Variants in B4GAT1 observed in about 807,000 individuals in gnomAD.
B4GAT1 encodes the protein beta-1,4-glucuronyltransferase 1.
B4GAT1 carries 18 observed loss-of-function variants against 35.0 expected under a neutral mutation model. That is an observed-to-expected ratio of 0.51 (90% CI 0.36 to 0.76). B4GAT1 has a LOEUF of 0.76. Among genes scored for constraint, B4GAT1 ranks in the 30% least tolerant of loss-of-function variants. The pLI, the probability that B4GAT1 is intolerant of heterozygous loss-of-function variation, is 0.01. For missense variants in B4GAT1, 458 were observed against 555.0 expected, an observed-to-expected ratio of 0.83 and a Z score of 1.76; for synonymous variants, 217 against 251.6, an observed-to-expected ratio of 0.86 and a Z score of 1.30.
rs1481200252 is a variant in B4GAT1, at chr11:66,346,016, A to G, written c.*33T>C. 6.3e-7 allele frequency: 1 copy of G among 1,590,268 alleles called. No homozygotes were observed. The highest frequency in any genetic ancestry group is 8.6e-7 in the Non-Finnish European group (1 of 1,162,250). On this transcript the variant is annotated 3_prime_UTR_variant, in exon 2 of 2. Coordinates refer to ENST00000311181, the MANE Select transcript of B4GAT1 (RefSeq NM_006876.3). The surrounding 1 kb of genome is among the most constrained non-coding windows in gnomAD (Gnocchi z 6.1). ...CTAAATGGTGGCCTGAGGAGCCAAG[A>G]GGCTGACTTCTCAGATTAGGGGAGG...
chr11:66,347,524 G>C lies in B4GAT1; in HGVS notation c.22C>G (p.Arg8Gly). 2 of 1,499,582 alleles carry C rather than the reference G, an allele frequency of 1.3e-6. No homozygotes were observed. Among genetic ancestry groups the C allele is most frequent in the Non-Finnish European group, 1.8e-6 (2 of 1,126,748 alleles). The allele number at this position is 1,499,582 out of a possible 1,614,324, so 92.9% of individuals were successfully genotyped here. MQMSYAI[R>G]CAFYQLLLAA... ...AGCAGCAGCTGGTAGAAGGCGCACC[G>C]GATGGCGTAGGACATCTGCATGGCT... The change falls in exon 1 of 2, where the codon CGG (arginine) becomes GGG (glycine). Residue 8 changes from arginine (R) to glycine (G), a missense_variant. By Grantham distance (125) the Arg-to-Gly change is moderately radical. Transcript: ENST00000311181. This position sits in a 1 kb window ranked among gnomAD's most constrained non-coding sequence, Gnocchi z 6.3.
chr11:66,346,793 T>C lies in B4GAT1; in HGVS notation c.753A>G (p.Gly251=). The C allele has an allele frequency of 1.9e-6, 3 of 1,612,058 alleles. No homozygotes were observed. Among genetic ancestry groups the C allele is most frequent in the Non-Finnish European group, 2.5e-6 (3 of 1,179,318 alleles). ...AGGCAGGCACCACCAGCGCGGTGCC[T>C]CCCCACTGGTTGCTCTGATCCAGCA... ...REMLDQSNQW[G]GTALVVPAFE... The change falls in exon 1 of 2, where the codon GGA becomes GGG. Residue 251 remains glycine (G), a synonymous_variant. Coordinates refer to ENST00000311181, the MANE Select transcript of B4GAT1 (RefSeq NM_006876.3). This position sits in a 1 kb window ranked among gnomAD's most constrained non-coding sequence, Gnocchi z 6.1.
At position 66,346,151 on chromosome 11, in the gene B4GAT1, G is replaced by C. The variant is rs143223962; in HGVS notation, c.1146C>G (p.Phe382Leu). ...VHKGFKEALK[F>L]HPQKEAENQH... The stretch of plus-strand genomic sequence containing the variant: ...GATTTTCAGCCTCCTTTTGGGGATG[G>C]AACTTCAACGCTTCTTTGAAGCCCT... Residue 382 changes from phenylalanine (F) to leucine (L), a missense_variant, in exon 2 of 2, where the codon TTC (phenylalanine) becomes TTG (leucine). Coordinates refer to ENST00000311181, the MANE Select transcript of B4GAT1 (RefSeq NM_006876.3). The surrounding 1 kb of genome is among the most constrained non-coding windows in gnomAD (Gnocchi z 6.1). The C allele has an allele frequency of 3.1e-4, 508 of 1,614,024 alleles. 3 individuals are homozygous for C. The highest frequency in any genetic ancestry group is 3.3e-4 in the Middle Eastern group (2 of 6,084).
Position 66,345,403 on chromosome 11 carries a change from TG to T in B4GAT1, c.*645del, listed in dbSNP as rs1295659626. ...TGTGAACACGCATTTATTTACACAT[TG>T]TCATCGGTAGGCACATACCCAGCCC... On this transcript the variant is annotated 3_prime_UTR_variant, in exon 2 of 2. Coordinates refer to ENST00000311181, the MANE Select transcript of B4GAT1 (RefSeq NM_006876.3). The T allele has an allele frequency of 1.3e-5, 2 of 152,178 alleles. No individual in the cohort carries two copies. The highest frequency in any genetic ancestry group is 2.9e-5 in the Non-Finnish European group (2 of 68,050). 9.4% of individuals were successfully genotyped at this position (152,178 alleles called of 1,614,324 possible). A position where few individuals can be genotyped will look rare whatever the true frequency, so the allele number is the denominator to read the frequency against.
At position 66,346,887 on chromosome 11, in the gene B4GAT1, G is replaced by A. The variant is rs1855225498; in HGVS notation, c.659C>T (p.Ala220Val). The A allele has an allele frequency of 6.2e-7, 1 of 1,613,766 alleles. No homozygotes were observed. The highest frequency in any genetic ancestry group is 1.3e-5 in the African/African-American group (1 of 74,902). Residue 220 changes from alanine (A) to valine (V), a missense_variant, in exon 1 of 2, where the codon GCC (alanine) becomes GTC (valine). Transcript: ENST00000311181. The surrounding 1 kb of genome is among the most constrained non-coding windows in gnomAD (Gnocchi z 6.1). The part of the protein sequence containing the change: ...NLLRNLAREG[A>V]NYALVIDVDM... ...CACATCGATCACCAGGGCATAGTTGGCCCCCTCACGAGCCAGATTCCTCAG... is the reference window on the plus strand; with the variant it reads ...CACATCGATCACCAGGGCATAGTTGACCCCCTCACGAGCCAGATTCCTCAG...
At position 66,346,272 on chromosome 11, in the gene B4GAT1, G is replaced by A; in HGVS notation, c.1057-32C>T. 1 of 1,605,630 alleles carries A rather than the reference G, an allele frequency of 6.2e-7. No homozygotes were observed. The highest frequency in any genetic ancestry group is 8.5e-7 in the Non-Finnish European group (1 of 1,173,704). On this transcript the variant is annotated intron_variant, in intron 1 of 1. Coordinates refer to ENST00000311181, the MANE Select transcript of B4GAT1 (RefSeq NM_006876.3). The surrounding 1 kb of genome is among the most constrained non-coding windows in gnomAD (Gnocchi z 6.1). The stretch of plus-strand genomic sequence containing the variant: ...GAGGAAAGACAGGTTAGCAAAGTTT[G>A]ATGACATTGACAGGCCTGAGACTGA...
rs1855230267 is a variant in B4GAT1 at position 66,347,051 on chromosome 11, T to C, written c.495A>G (p.Ala165=). 1.3e-6 allele frequency: 2 copies of C among 1,587,994 alleles called. No homozygotes were observed. Among genetic ancestry groups the C allele is most frequent in the East Asian group, 4.5e-5 (2 of 44,686 alleles). Residue 165 remains alanine, a synonymous_variant, in exon 1 of 2, where the codon GCA becomes GCG. Coordinates refer to ENST00000311181, the MANE Select transcript of B4GAT1 (RefSeq NM_006876.3). The surrounding 1 kb of genome is among the most constrained non-coding windows in gnomAD (Gnocchi z 6.3). The part of the protein sequence containing the change: ...MHLVCPSRYE[A]AVPDPREPGE... The stretch of plus-strand genomic sequence containing the variant: ...CCGGCTCCCGGGGGTCGGGCACGGC[T>C]GCCTCGTAACGCGAGGGGCACACGA...
At position 66,346,254 on chromosome 11, in the gene B4GAT1, G is replaced by C; in HGVS notation, c.1057-14C>G. 1.2e-6 allele frequency: 2 copies of C among 1,610,536 alleles called. No individual in the cohort carries two copies. Among genetic ancestry groups the C allele is most frequent in the Non-Finnish European group, 1.7e-6 (2 of 1,177,208 alleles). On this transcript the variant is annotated splice_polypyrimidine_tract_variant and intron_variant, in intron 1 of 1. Coordinates refer to ENST00000311181, the MANE Select transcript of B4GAT1 (RefSeq NM_006876.3). The surrounding 1 kb of genome is among the most constrained non-coding windows in gnomAD (Gnocchi z 6.1). The stretch of plus-strand genomic sequence containing the variant: ...CAGCTCGCAGGCCTGCAGGAGGAAA[G>C]ACAGGTTAGCAAAGTTTGATGACAT...
In B4GAT1 at chr11:66,346,139, C is replaced by T; in HGVS notation, c.1158G>A (p.Lys386=). The T allele has an allele frequency of 6.2e-7, 1 of 1,614,148 alleles. No homozygotes were observed. The highest frequency in any genetic ancestry group is 8.5e-7 in the Non-Finnish European group (1 of 1,180,030). ...FKEALKFHPQ[K]EAENQHNKIL... is the part of the protein sequence containing the mutation. ...TCTTATTGTGCTGATTTTCAGCCTC[C>T]TTTTGGGGATGGAACTTCAACGCTT... Residue 386 remains lysine (K), a synonymous_variant, in exon 2 of 2, where the codon AAG becomes AAA. Transcript: ENST00000311181. The surrounding 1 kb of genome is among the most constrained non-coding windows in gnomAD (Gnocchi z 6.1).
In B4GAT1 at chr11:66,347,394, G is replaced by A. The variant is rs531686913; in HGVS notation, c.152C>T (p.Pro51Leu). ...GACCTGGTCCACGGACCGTGGGGAC[G>A]GGGGAAAGAACTCAAAATATTGGTC... is the stretch of plus-strand genomic sequence containing the variant. ...EQDQYFEFFP[P>L]SPRSVDQVKA... Residue 51 changes from proline to leucine, a missense_variant, in exon 1 of 2, where the codon CCG becomes CTG. Pro to Leu is a moderately conservative substitution (Grantham distance 98). Coordinates refer to ENST00000311181, the MANE Select transcript of B4GAT1 (RefSeq NM_006876.3). The surrounding 1 kb of genome is among the most constrained non-coding windows in gnomAD (Gnocchi z 6.3). 1.4e-4 allele frequency: 216 copies of A among 1,585,632 alleles called. No individual in the cohort carries two copies. The East Asian group carries it at 3.2e-3, about 23-fold the overall frequency.
chr11:66,346,146 G>C lies in B4GAT1; in HGVS notation c.1151C>G (p.Pro384Arg), dbSNP rs1443678248. 1 of 1,614,074 alleles carries C rather than the reference G, an allele frequency of 6.2e-7. No homozygotes were observed. The highest frequency in any genetic ancestry group is 8.5e-7 in the Non-Finnish European group (1 of 1,180,028). The change falls in exon 2 of 2, where the codon CCC becomes CGC. Residue 384 changes from proline to arginine, a missense_variant. By Grantham distance (103) the Pro-to-Arg change is moderately radical. Coordinates refer to ENST00000311181, the MANE Select transcript of B4GAT1 (RefSeq NM_006876.3). The surrounding 1 kb of genome is among the most constrained non-coding windows in gnomAD (Gnocchi z 6.1). The stretch of plus-strand genomic sequence containing the variant: ...GTGCTGATTTTCAGCCTCCTTTTGG[G>C]GATGGAACTTCAACGCTTCTTTGAA... ...KGFKEALKFH[P>R]QKEAENQHNK...
rs1319732212 is a variant in B4GAT1 at position 66,346,766 on chromosome 11, G to A, written c.780C>T (p.Phe260=). The change falls in exon 1 of 2, where the codon TTC becomes TTT. Residue 260 remains phenylalanine (F), a synonymous_variant. Transcript: ENST00000311181. This position sits in a 1 kb window ranked among gnomAD's most constrained non-coding sequence, Gnocchi z 6.1. ...GCATGCGGCGGGCTCTTCGGATTTC[G>A]AAGGCAGGCACCACCAGCGCGGTGC... ...WGGTALVVPA[F]EIRRARRMPM... 5 of 1,613,622 alleles carry A rather than the reference G, an allele frequency of 3.1e-6. No individual in the cohort carries two copies. The Admixed American group carries it at 6.7e-5, about 22-fold the overall frequency.
Position 66,346,774 on chromosome 11 carries a change from G to A in B4GAT1, c.772C>T (p.Pro258Ser). Reference protein sequence around the residue: ...NQWGGTALVVPAFEIRRARRM... With the variant: ...NQWGGTALVVSAFEIRRARRM... ...CGGGCTCTTCGGATTTCGAAGGCAG[G>A]CACCACCAGCGCGGTGCCTCCCCAC... Residue 258 changes from proline (P) to serine (S), a missense_variant, in exon 1 of 2, where the codon CCT becomes TCT. Pro to Ser is a moderately conservative substitution (Grantham distance 74, BLOSUM62 -1). Coordinates refer to ENST00000311181, the MANE Select transcript of B4GAT1 (RefSeq NM_006876.3). The surrounding 1 kb of genome is among the most constrained non-coding windows in gnomAD (Gnocchi z 6.1). 1 of 1,613,750 alleles carries A rather than the reference G, an allele frequency of 6.2e-7. No homozygotes were observed. Among genetic ancestry groups the A allele is most frequent in the Non-Finnish European group, 8.5e-7 (1 of 1,179,982 alleles).
chr11:66,347,445 G>A lies in B4GAT1; in HGVS notation c.101C>T (p.Ser34Phe). 1 of 1,553,318 alleles carries A rather than the reference G, an allele frequency of 6.4e-7. No individual in the cohort carries two copies. Among genetic ancestry groups the A allele is most frequent in the Non-Finnish European group, 8.7e-7 (1 of 1,151,820 alleles). The change falls in exon 1 of 2, where the codon TCC becomes TTC. Residue 34 changes from serine to phenylalanine, a missense_variant. Ser to Phe is a radical substitution (Grantham distance 155). Coordinates refer to ENST00000311181, the MANE Select transcript of B4GAT1 (RefSeq NM_006876.3). This position sits in a 1 kb window ranked among gnomAD's most constrained non-coding sequence, Gnocchi z 6.3. ...MLQLLYLSLLSGLHGQEEQDQ... is the reference protein window; with the variant it reads ...MLQLLYLSLLFGLHGQEEQDQ... Reference sequence around the variant, plus strand: ...TTGCTCCTCCTGCCCGTGCAGTCCGGACAGCAGCGACAGGTAGAGCAGCTG... The same window carrying A: ...TTGCTCCTCCTGCCCGTGCAGTCCGAACAGCAGCGACAGGTAGAGCAGCTG...
rs542478488 is a variant in B4GAT1, at chr11:66,346,700, G to A, written c.846C>T (p.Gly282=). 5 of 1,613,834 alleles carry A rather than the reference G, an allele frequency of 3.1e-6. No individual in the cohort carries two copies. Among genetic ancestry groups the A allele is most frequent in the Admixed American group, 3.3e-5 (2 of 60,032 alleles). The stretch of plus-strand genomic sequence containing the variant: ...ACCCATAATAGAAGGGCCGCACCTC[G>A]CCAACCTGGTAGAGCTGCACCAGCT... ...KNELVQLYQV[G]EVRPFYYGLC... Residue 282 remains glycine (G), a synonymous_variant, in exon 1 of 2, where the codon GGC becomes GGT. Transcript: ENST00000311181. This position sits in a 1 kb window ranked among gnomAD's most constrained non-coding sequence, Gnocchi z 6.1.
Position 66,347,472 on chromosome 11 carries a change from A to G in B4GAT1, c.74T>C (p.Leu25Pro). 6.5e-7 allele frequency: 1 copy of G among 1,528,928 alleles called. No individual in the cohort carries two copies. Among genetic ancestry groups the G allele is most frequent in the South Asian group, 1.3e-5 (1 of 77,142 alleles). 94.7% of individuals were successfully genotyped at this position (1,528,928 alleles called of 1,614,324 possible). A position where few individuals can be genotyped will look rare whatever the true frequency, so the allele number is the denominator to read the frequency against. Reference sequence around the variant, plus strand: ...CAGCAGCGACAGGTAGAGCAGCTGCAGCATCGCCACCAGCATGAGCGCGGC... The same window carrying G: ...CAGCAGCGACAGGTAGAGCAGCTGCGGCATCGCCACCAGCATGAGCGCGGC... ...LLAALMLVAMLQLLYLSLLSG... is the reference protein window; with the variant it reads ...LLAALMLVAMPQLLYLSLLSG... Residue 25 changes from leucine to proline, a missense_variant, in exon 1 of 2, where the codon CTG (leucine) becomes CCG (proline). Coordinates refer to ENST00000311181, the MANE Select transcript of B4GAT1 (RefSeq NM_006876.3). This position sits in a 1 kb window ranked among gnomAD's most constrained non-coding sequence, Gnocchi z 6.3.
rs140012343 is a variant in B4GAT1, at chr11:66,347,047, C to T, written c.499G>A (p.Val167Met). The T allele has an allele frequency of 4.4e-6, 7 of 1,587,544 alleles. No homozygotes were observed. The highest frequency in any genetic ancestry group is 6.0e-6 in the Non-Finnish European group (7 of 1,169,100). ...TCCCCCGGCTCCCGGGGGTCGGGCA[C>T]GGCTGCCTCGTAACGCGAGGGGCAC... ...LVCPSRYEAAVPDPREPGEFA... is the reference protein window; with the variant it reads ...LVCPSRYEAAMPDPREPGEFA... The change falls in exon 1 of 2, where the codon GTG becomes ATG. Residue 167 changes from valine to methionine, a missense_variant. Coordinates refer to ENST00000311181, the MANE Select transcript of B4GAT1 (RefSeq NM_006876.3). This position sits in a 1 kb window ranked among gnomAD's most constrained non-coding sequence, Gnocchi z 6.3.
chr11:66,346,196 G>A lies in B4GAT1; in HGVS notation c.1101C>T (p.Asn367=). 2.5e-6 allele frequency: 4 copies of A among 1,613,922 alleles called. No individual in the cohort carries two copies. The highest frequency in any genetic ancestry group is 3.4e-6 in the Non-Finnish European group (4 of 1,179,930). ...AGCCCTTATGAACCAAGAAACCTTC[G>A]TTCAGGACCTCAAAATCAAACCCCG... is the stretch of plus-strand genomic sequence containing the variant. The part of the protein sequence containing the change: ...HVAGFDFEVL[N]EGFLVHKGFK... Residue 367 remains asparagine (N), a synonymous_variant, in exon 2 of 2, where the codon AAC becomes AAT. Transcript: ENST00000311181. The surrounding 1 kb of genome is among the most constrained non-coding windows in gnomAD (Gnocchi z 6.1).
In B4GAT1 at chr11:66,346,352, T is replaced by G; in HGVS notation, c.1057-112A>C. ...ACCCCTCTGGAAGTATCCTGGATCT[T>G]CCACACCATCCACCCACCTCCTGAA... is the stretch of plus-strand genomic sequence containing the variant. On this transcript the variant is annotated intron_variant, in intron 1 of 1. Coordinates refer to ENST00000311181, the MANE Select transcript of B4GAT1 (RefSeq NM_006876.3). This position sits in a 1 kb window ranked among gnomAD's most constrained non-coding sequence, Gnocchi z 6.1. The G allele has an allele frequency of 2.6e-6, 4 of 1,539,206 alleles. No homozygotes were observed. In the South Asian group the frequency reaches 5.0e-5, roughly 19 times the overall value.
Sources: gnomAD v4.1 joint callset for allele counts on GRCh38, gnomAD v4.1.1 for gene constraint, Gnocchi (gnomAD v3.1) non-coding constraint, MANE v1.5 for transcripts, NCBI Gene and HGNC (gene_info 2026-07-23, HGNC 2026-07-21) for gene names.